The following SOX5 variants were observed in gnomAD, a reference collection of about 807,000 sequenced individuals.
SOX5 encodes the protein transcription factor SOX-5.
SOX5 carries 9 observed loss-of-function variants against 92.0 expected under a neutral mutation model. That is an observed-to-expected ratio of 0.10 (90% CI 0.06 to 0.17). The LOEUF (loss-of-function observed/expected upper bound fraction) is 0.17, where lower values mean the gene tolerates loss of function less well. Among genes scored for constraint, SOX5 ranks in the 10% least tolerant of loss-of-function variants. The pLI is 1.00. For missense variants in SOX5, 642 were observed against 944.5 expected, an observed-to-expected ratio of 0.68 and a Z score of 4.20; for synonymous variants, 344 against 336.3, an observed-to-expected ratio of 1.02 and a Z score of -0.25.
intron 2 of SOX5, among the ~76,000 whole-genome samples, chr12:24,318,343 T>C (rs1278740958): frequency 6.6e-6 from 1 of 152,214 alleles, no homozygotes; most frequent in African/African-American, 2.4e-5. Flanking sequence ...GTAGGATGCA[T>C]GCCTTTCCTG....
intron 2 of SOX5, among the ~76,000 whole-genome samples, chr12:24,360,732 G>C (rs1955454789): frequency 6.6e-6 from 1 of 152,136 alleles, no homozygotes; most frequent in Non-Finnish European, 1.5e-5. Context: ...CTAAAAACTG[G>C]ATATATGTAT....
At chr12:24,283,139 C>A (rs759988562) in intron 2 of SOX5, among the ~76,000 whole-genome samples, 57 of 152,290 alleles carry the variant, frequency 3.7e-4, no homozygotes, top group Non-Finnish European at 6.0e-4. Flanking sequence ...CCATCTTGAT[C>A]TTAATGTAAT....
intron 4 of SOX5, among the ~76,000 whole-genome samples, chr12:23,999,686 T>C (rs551867744): frequency 6.6e-6 from 1 of 152,090 alleles, no homozygotes; most frequent in East Asian, 1.9e-4. Context: ...AAAAAGACAA[T>C]TACATAAAGC....
At chr12:24,165,255 T>G (rs1426607996) in intron 4 of SOX5, among the ~76,000 whole-genome samples, 2 of 152,090 alleles carry the variant, frequency 1.3e-5, no homozygotes, top group Non-Finnish European at 2.9e-5. Context: ...GCTGAGTGCC[T>G]AGTATGTATA....
intron 3 of SOX5, among the ~76,000 whole-genome samples, chr12:23,801,129 T>C (rs2095652842): frequency 6.6e-6 from 1 of 152,154 alleles, no homozygotes; most frequent in Non-Finnish European, 1.5e-5. Flanking sequence ...GTCCCTTGGC[T>C]CCTAAGGCAA....
At chr12:23,905,724 G>A (rs2097286245) in intron 1 of SOX5, among the ~76,000 whole-genome samples, 1 of 152,044 alleles carries the variant, frequency 6.6e-6, no homozygotes, top group Admixed American at 6.5e-5. Flanking sequence ...TGACTCCTAT[G>A]TACAAATGTG....
chr12:24,303,048 T>A (rs1054027881), intron 2 of SOX5, among the ~76,000 whole-genome samples: 8 of 151,938 alleles, frequency 5.3e-5, no homozygotes, highest in Non-Finnish European at 1.0e-4. Context: ...GGAAAGTGAA[T>A]ACATTATATA....
intron 1 of SOX5, among the ~76,000 whole-genome samples, chr12:24,420,128 CTTTAT>C (rs906206118): frequency 3.3e-5 from 5 of 152,266 alleles, no homozygotes; most frequent in East Asian, 1.9e-4. Flanking sequence ...TTTTAAATAC[CTTTAT>C]TTTGACAGGA....
chr12:24,531,245 T>G (rs1478223121), intron 1 of SOX5, among the ~76,000 whole-genome samples: 2 of 152,172 alleles, frequency 1.3e-5, no homozygotes, highest in Admixed American at 6.5e-5. Context: ...TTTAAGATAT[T>G]TAGGCTCTGG....
At chr12:23,955,665 C>T (rs1386260559), upstream of SOX5, among the ~76,000 whole-genome samples, 2 of 151,930 alleles carry the variant, frequency 1.3e-5, no homozygotes, top group Non-Finnish European at 2.9e-5. Flanking sequence ...ATGGTGATGT[C>T]TAATGGTTTG....
At chr12:23,723,053 C>T (rs565675165) in intron 6 of SOX5, among the ~76,000 whole-genome samples, 15 of 152,260 alleles carry the variant, frequency 9.9e-5, no homozygotes, top group African/African-American at 2.4e-4. Context: ...ATTTACCTTA[C>T]GGCAGCCCTA....
chr12:23,563,111 C>T (rs911988697), intron 11 of SOX5, 147 bp downstream of exon 11: 30 of 617,042 alleles, frequency 4.9e-5, no homozygotes, highest in South Asian at 9.0e-5. Context: ...ATTAGGATGG[C>T]GATGAGGCCT....
intron 4 of SOX5, among the ~76,000 whole-genome samples, chr12:24,115,234 A>G (rs11047272): frequency 0.095 from 14,431 of 152,158 alleles, 723 homozygotes; most frequent in Non-Finnish European, 0.11. Flanking sequence ...TGTTCAAAAC[A>G]TAAACAAGAA....
intron 3 of SOX5, among the ~76,000 whole-genome samples, chr12:24,229,708 A>T (rs1962950394): frequency 6.6e-6 from 1 of 152,210 alleles, no homozygotes; most frequent in African/African-American, 2.4e-5. Context: ...AGCCACTGAC[A>T]TGTCCCTGCC....
At chr12:23,619,014 A>G (rs2076882670) in intron 8 of SOX5, among the ~76,000 whole-genome samples, 1 of 152,106 alleles carries the variant, frequency 6.6e-6, no homozygotes, top group Non-Finnish European at 1.5e-5. Flanking sequence ...AGAAACCACA[A>G]AGTCACTTAA....
intron 3 of SOX5, among the ~76,000 whole-genome samples, chr12:24,230,820 C>T (rs770360354): frequency 1.3e-5 from 2 of 152,148 alleles, no homozygotes; most frequent in Non-Finnish European, 2.9e-5. Context: ...TTCCTGGTAA[C>T]TTTCATATAA....
At chr12:24,125,656 C>T (rs990605591) in intron 4 of SOX5, among the ~76,000 whole-genome samples, 1 of 152,178 alleles carries the variant, frequency 6.6e-6, no homozygotes, top group Non-Finnish European at 1.5e-5. Context: ...AAATAATACA[C>T]ATTTTTAATA....
intron 2 of SOX5, among the ~76,000 whole-genome samples, chr12:24,358,548 C>T (rs1955143087): frequency 6.6e-6 from 1 of 151,354 alleles, no homozygotes; most frequent in South Asian, 2.1e-4. Flanking sequence ...AGAGGTGGAG[C>T]TTGCAGTGAG....
At chr12:24,432,765 T>A (rs764880681) in intron 1 of SOX5, among the ~76,000 whole-genome samples, 1 of 151,978 alleles carries the variant, frequency 6.6e-6, no homozygotes. Context: ...TGAGCCAAGA[T>A]CGCACCACTG....
Sources: gnomAD v4.1 joint callset for allele counts (sites outside exome capture counted in the v4.1 genomes callset) on GRCh38, gnomAD v4.1.1 for gene constraint, MANE v1.5 for transcripts, NCBI Gene and HGNC (gene_info 2026-07-23, HGNC 2026-07-21) for gene names.